Variants in RBBP7 observed in about 807,000 individuals in gnomAD.
The protein encoded by RBBP7 is RB binding protein 7, chromatin remodeling factor, also known as histone-binding protein RBBP7.
RBBP7 carries 5 observed loss-of-function variants against 35.2 expected under a neutral mutation model. That is an observed-to-expected ratio of 0.14 (90% CI 0.07 to 0.30). RBBP7 has a LOEUF of 0.30. Ranked by LOEUF, RBBP7 falls within the 10% of genes least tolerant of loss-of-function variation. RBBP7 has a pLI of 1.00. For synonymous variants in RBBP7, 140 were observed against 118.7 expected (o/e 1.18, Z -1.17); for missense variants, 155 against 327.5 (o/e 0.47, Z 4.07).
intron 5 of RBBP7, among the ~76,000 whole-genome samples, chrX:16,856,165 G>A (rs1324185295): frequency 9.0e-6 from 1 of 110,589 alleles, no homozygotes; most frequent in East Asian, 2.8e-4. Context: ...TTCTCTAAAG[G>A]AGATATGCAA....
intron 4 of RBBP7, 26 bp from the exon 5 acceptor site, chrX:16,857,735 T>C: frequency 8.4e-7 from 1 of 1,187,407 alleles, no homozygotes; most frequent in Non-Finnish European, 1.1e-6. Flanking sequence ...AAACATTAAG[T>C]TATTCTCTGT....
At chrX:16,866,523 C>CAAAAAAAAAAAAAAAAAAAAAAA (rs55729039) in intron 2 of RBBP7, among the ~76,000 whole-genome samples, 1 of 32,583 alleles carries the variant, frequency 3.1e-5, no homozygotes, top group African/African-American at 1.4e-4. Context: ...GAGACTGTCT[C>CAAAAAAAAAAAAAAAAAAAAAAA]AAAAAAAAAA....
chrX:16,869,252 T>A (rs374587071), intron 1 of RBBP7, 32 bp from the exon 2 acceptor site: 61 of 1,186,781 alleles, frequency 5.1e-5, no homozygotes, highest in Non-Finnish European at 6.7e-5. Flanking sequence ...CACGATTAAG[T>A]GGCTGAGATA....
chrX:16,855,174 C>G (rs192610568), intron 5 of RBBP7, among the ~76,000 whole-genome samples: 170 of 109,914 alleles, frequency 1.5e-3, no homozygotes, highest in African/African-American at 5.4e-3. Context: ...CTCAGCCTCC[C>G]GAGTAGATGG....
intron 9 of RBBP7, 67 bp downstream of exon 9, chrX:16,851,979 T>C: frequency 1.0e-6 from 1 of 959,337 alleles, no homozygotes; most frequent in Non-Finnish European, 1.5e-6. Context: ...TTCTAGTTTA[T>C]GAATGACTAT....
At chrX:16,865,948 C>G (rs1330280193) in intron 2 of RBBP7, among the ~76,000 whole-genome samples, 4 of 111,980 alleles carry the variant, frequency 3.6e-5, no homozygotes, top group Non-Finnish European at 7.5e-5. Context: ...CTGACAAACT[C>G]AAGTGAAGAA....
chrX:16,867,147 T>C lies in RBBP7; in HGVS notation c.161+1929A>G, dbSNP rs1331149263. Among the ~76,000 whole-genome samples, 51 of 111,859 alleles carry C rather than the reference T, an allele frequency of 4.6e-4. 1 individual carries two copies. In the Admixed American group the frequency reaches 4.8e-3, roughly 11 times the overall value. ...GCATCAGTCACCACTTACCGTGTAC[T>C]TATGCTGCACCAGGCACTTTAACAT... On this transcript the variant is annotated intron_variant, in intron 2 of 11. Coordinates refer to ENST00000380087, the MANE Select transcript of RBBP7 (RefSeq NM_002893.4).
At chrX:16,865,017 C>G (rs1409852340) in intron 2 of RBBP7, among the ~76,000 whole-genome samples, 7 of 90,107 alleles carry the variant, frequency 7.8e-5, no homozygotes, top group African/African-American at 3.1e-4. Flanking sequence ...ACTGCTTGAG[C>G]CTAGGAGTTC....
In RBBP7 at chrX:16,845,007, C is replaced by G; in HGVS notation, c.*28G>C. The G allele has an allele frequency of 8.5e-7, 1 of 1,179,312 alleles. No homozygotes were observed. Among genetic ancestry groups the G allele is most frequent in the Non-Finnish European group, 1.2e-6 (1 of 866,973 alleles). ...TCAAGCATTCATGTAGCATTACATT[C>G]AACAGAAACATTTCTCGTACTTTGG... On this transcript the variant is annotated 3_prime_UTR_variant, in exon 12 of 12. Coordinates refer to ENST00000380087, the MANE Select transcript of RBBP7 (RefSeq NM_002893.4).
intron 11 of RBBP7, 91 bp from the exon 12 acceptor site, chrX:16,845,194 A>C: frequency 1.6e-6 from 1 of 625,983 alleles, no homozygotes; most frequent in Non-Finnish European, 2.5e-6. Flanking sequence ...AGAACTTAAT[A>C]GTTTCATTTT....
In RBBP7 at chrX:16,870,105, C is replaced by A; in HGVS notation, c.-52G>T. 1 of 1,058,376 alleles carries A rather than the reference C, an allele frequency of 9.4e-7. No homozygotes were observed. The highest frequency in any genetic ancestry group is 1.2e-6 in the Non-Finnish European group (1 of 813,722). 87.2% of individuals were successfully genotyped at this position (1,058,376 alleles called of 1,213,427 possible). On this transcript the variant is annotated 5_prime_UTR_variant, in exon 1 of 12. Transcript: ENST00000380087. The stretch of plus-strand genomic sequence containing the variant: ...CGCCGCCTCGGACTCCTCTCGTTAG[C>A]CAAGAGCAGCCCGACCGCTGGCGCT...
intron 2 of RBBP7, among the ~76,000 whole-genome samples, chrX:16,864,067 G>A (rs768912730): frequency 9.2e-6 from 1 of 108,820 alleles, no homozygotes; most frequent in Non-Finnish European, 1.9e-5. Context: ...TTACTTCTAG[G>A]CAAGTAATTT....
At chrX:16,868,851 C>T (rs1206707611) in intron 2 of RBBP7, among the ~76,000 whole-genome samples, 1 of 112,114 alleles carries the variant, frequency 8.9e-6, no homozygotes, top group Non-Finnish European at 1.9e-5. Context: ...TCAGTGCTTC[C>T]TCCAAACACG....
intron 3 of RBBP7, among the ~76,000 whole-genome samples, chrX:16,859,776 C>T (rs765256982): frequency 9.0e-6 from 1 of 111,529 alleles, no homozygotes; most frequent in African/African-American, 3.3e-5. Flanking sequence ...CCTACTGGAG[C>T]CAGACAGGTA....
At chrX:16,849,139 T>C (rs773508313) in intron 10 of RBBP7, 105 bp downstream of exon 10, 93 of 765,957 alleles carry the variant, frequency 1.2e-4, no homozygotes, top group Middle Eastern at 9.0e-4. Context: ...TTTGAAACCA[T>C]CTGCAAGAGC....
At chrX:16,856,636 A>G (rs751503830) in intron 5 of RBBP7, among the ~76,000 whole-genome samples, 12 of 111,814 alleles carry the variant, frequency 1.1e-4, no homozygotes, top group South Asian at 3.7e-4. Context: ...CTTTATGCAC[A>G]CTAGGATAGC....
intron 2 of RBBP7, among the ~76,000 whole-genome samples, chrX:16,864,526 C>CAAAA (rs61357554): frequency 1.5e-4 from 4 of 26,222 alleles, no homozygotes; most frequent in Admixed American, 6.2e-4. Context: ...ACTCCGTCTC[C>CAAAA]AAAAAAAAAA....
rs1478323858 is a variant in RBBP7, at chrX:16,848,074, T to G, written c.1098+1170A>C. On this transcript the variant is annotated intron_variant, in intron 10 of 11. Transcript: ENST00000380087. ...AGTCCCAAAAGACAAAAGTCATATT[T>G]ATATGAAATATCTAGAATAGCCCAA... is the stretch of plus-strand genomic sequence containing the variant. 4 of 112,265 alleles carry G rather than the reference T, an allele frequency of 3.6e-5. No individual in the cohort carries two copies. In the Admixed American group the frequency reaches 3.8e-4, roughly 11 times the overall value. The allele number at this position is 112,265 out of a possible 1,213,427, so 9.3% of individuals were successfully genotyped here.
At chrX:16,863,422 A>G (rs1402180900) in intron 2 of RBBP7, among the ~76,000 whole-genome samples, 1 of 111,015 alleles carries the variant, frequency 9.0e-6, no homozygotes, top group Non-Finnish European at 1.9e-5. Context: ...AAACACAGAC[A>G]AACATCTACA....
Sources: allele counts gnomAD v4.1 joint callset (sites outside exome capture counted in the v4.1 genomes callset), GRCh38; gene constraint gnomAD v4.1.1; transcripts MANE v1.5; gene names NCBI Gene and HGNC (gene_info 2026-07-23, HGNC 2026-07-21).